Variants in PIK3C2G observed in about 807,000 individuals in gnomAD.
PIK3C2G encodes phosphatidylinositol-4-phosphate 3-kinase catalytic subunit type 2 gamma.
In PIK3C2G, 168 loss-of-function variants were observed where a neutral mutation model predicts 181.1. That is an observed-to-expected ratio of 0.93 (90% confidence interval 0.82 to 1.05). PIK3C2G has a LOEUF of 1.05. Among genes scored for constraint, PIK3C2G ranks in the 50% least tolerant of loss-of-function variants. PIK3C2G has a pLI of 0.00. For missense variants in PIK3C2G, 1,869 were observed against 1,732.8 expected (o/e 1.08, Z -1.40); for synonymous variants, 573 against 592.2 (o/e 0.97, Z 0.47).
chr12:18,303,772 T>C (rs931955069), intron 5 of PIK3C2G, among the ~76,000 whole-genome samples: 1 of 152,228 alleles, frequency 6.6e-6, no homozygotes, highest in African/African-American at 2.4e-5. Context: ...TTGTCAGTAG[T>C]AAACCATAAA....
At chr12:18,699,828 C>A in the PIK3C2G span, 1 of 1,613,322 alleles carries the variant, frequency 6.2e-7, no homozygotes, top group Non-Finnish European at 8.5e-7. Flanking sequence ...CTTGTGTCTC[C>A]CCAATAGAAT....
chr12:18,465,070 T>C (rs1006791354), intron 18 of PIK3C2G, among the ~76,000 whole-genome samples: 2 of 151,976 alleles, frequency 1.3e-5, no homozygotes, highest in African/African-American at 4.8e-5. Context: ...ACTTAATTTA[T>C]CAGAATCTAA....
At chr12:18,326,673 A>C (rs1251628596) in intron 8 of PIK3C2G, among the ~76,000 whole-genome samples, 1 of 152,156 alleles carries the variant, frequency 6.6e-6, no homozygotes, top group Non-Finnish European at 1.5e-5. Context: ...AGAATCCACA[A>C]TTAGCTTGTT....
At chr12:18,509,808 CTAGA>C (rs1430952893) in intron 24 of PIK3C2G, among the ~76,000 whole-genome samples, 3 of 152,134 alleles carry the variant, frequency 2.0e-5, no homozygotes, top group Non-Finnish European at 2.9e-5. Flanking sequence ...AGCTGTGAGA[CTAGA>C]TAAAGAGAAT....
chr12:18,335,004 G>C (rs1184302802), intron 8 of PIK3C2G, among the ~76,000 whole-genome samples: 1 of 152,072 alleles, frequency 6.6e-6, no homozygotes, highest in Non-Finnish European at 1.5e-5. Flanking sequence ...TTCCTACTAT[G>C]AGTAGTATAA....
rs751731010 is a variant in PIK3C2G, at chr12:18,497,657, G to T, written c.2925G>T (p.Gln975His). ...DDLRQDMLVLQLIQVMDNIWL... is the reference protein window; with the variant it reads ...DDLRQDMLVLHLIQVMDNIWL... ...TTCGTCAGGATATGCTTGTTCTGCA[G>T]CTTATTCAAGTGATGGACAATATTT... The change falls in exon 22 of 33, where the codon CAG becomes CAT. Residue 975 changes from glutamine to histidine, a missense_variant. Physicochemically the swap from Gln to His is conservative, Grantham distance 24. Coordinates refer to ENST00000538779, the MANE Select transcript of PIK3C2G (RefSeq NM_001288772.2). 1.2e-6 allele frequency: 2 copies of T among 1,612,864 alleles called. No homozygotes were observed. Among genetic ancestry groups the T allele is most frequent in the South Asian group, 2.2e-5 (2 of 91,042 alleles).
chr12:18,391,263 T>C lies in PIK3C2G; in HGVS notation c.2126+11T>C, dbSNP rs1473059637. ...ACAGACTCCCCTACTGTAAGTGACCTAGGTCTTGTGAATGAATTTTTGCCT... is the reference window on the plus strand; with the variant it reads ...ACAGACTCCCCTACTGTAAGTGACCCAGGTCTTGTGAATGAATTTTTGCCT... On this transcript the variant is annotated intron_variant, in intron 15 of 32. Transcript: ENST00000538779. 7 of 1,550,060 alleles carry C rather than the reference T, an allele frequency of 4.5e-6. No homozygotes were observed. Among genetic ancestry groups the C allele is most frequent in the Non-Finnish European group, 6.1e-6 (7 of 1,151,094 alleles).
intron 5 of PIK3C2G, among the ~76,000 whole-genome samples, chr12:18,305,330 GC>G (rs1022862652): frequency 7.5e-5 from 10 of 132,690 alleles, no homozygotes; most frequent in African/African-American, 2.6e-4. Context: ...GCATATTTCA[GC>G]CCCAAGTTTT....
At chr12:18,687,991 G>C in the PIK3C2G span, 3 of 1,499,240 alleles carry the variant, frequency 2.0e-6, no homozygotes, top group Non-Finnish European at 2.7e-6. Context: ...CTTGTCTTAT[G>C]AATAATAAAT....
intron 9 of PIK3C2G, among the ~76,000 whole-genome samples, chr12:18,342,404 C>G (rs11044034): frequency 6.6e-6 from 1 of 151,704 alleles, no homozygotes; most frequent in Non-Finnish European, 1.5e-5. Flanking sequence ...TTTTTTGTTA[C>G]GGAAAAACAA....
At chr12:18,590,573 A>C (rs780322315) in intron 29 of PIK3C2G, among the ~76,000 whole-genome samples, 1 of 151,852 alleles carries the variant, frequency 6.6e-6, no homozygotes, top group African/African-American at 2.4e-5. Flanking sequence ...CCAGTGGAGA[A>C]CACCGGCATA....
intron 30 of PIK3C2G, among the ~76,000 whole-genome samples, chr12:18,602,459 T>C (rs12823518): frequency 0.22 from 28,565 of 131,376 alleles, 2,695 homozygotes; most frequent in African/African-American, 0.24. Context: ...TGGTAGTGGG[T>C]GACAAAGGAC....
At chr12:18,563,275 AG>A (rs1224223001) in intron 27 of PIK3C2G, 101 bp from the exon 28 acceptor site, 6 of 1,034,820 alleles carry the variant, frequency 5.8e-6, no homozygotes, top group Non-Finnish European at 8.3e-6. Context: ...AATGTTTTGC[AG>A]AAAGGTACTT....
chr12:18,393,974 C>T (rs150660331), intron 15 of PIK3C2G, among the ~76,000 whole-genome samples: 2 of 152,206 alleles, frequency 1.3e-5, no homozygotes, highest in East Asian at 3.9e-4. Context: ...TTGGAGTCTT[C>T]TTAAATATTT....
At chr12:18,628,096 A>G (rs950016583) in intron 31 of PIK3C2G, among the ~76,000 whole-genome samples, 1 of 152,144 alleles carries the variant, frequency 6.6e-6, no homozygotes, top group African/African-American at 2.4e-5. Context: ...TAGTGAATCA[A>G]TATAGGATCG....
At chr12:18,405,242 T>G (rs11044082) in intron 16 of PIK3C2G, among the ~76,000 whole-genome samples, 35,487 of 152,036 alleles carry the variant, frequency 0.23, 4,366 homozygotes, top group Admixed American at 0.35. Context: ...TTTTAGCAGA[T>G]AAATCAAAAC....
intron 31 of PIK3C2G, among the ~76,000 whole-genome samples, chr12:18,635,116 C>A (rs751222123): frequency 1.3e-4 from 20 of 152,176 alleles, no homozygotes; most frequent in Admixed American, 2.6e-4. Flanking sequence ...TTAGGGATAT[C>A]CCAGAAAGGA....
chr12:18,499,709 A>G (rs1941272069), intron 22 of PIK3C2G, among the ~76,000 whole-genome samples: 2 of 152,212 alleles, frequency 1.3e-5, no homozygotes, highest in African/African-American at 4.8e-5. Flanking sequence ...TCAAAGGTTG[A>G]TTGCAAAACG....
chr12:18,597,216 G>T (rs1235716796), intron 30 of PIK3C2G, among the ~76,000 whole-genome samples: 1 of 150,716 alleles, frequency 6.6e-6, no homozygotes, highest in Non-Finnish European at 1.5e-5. Context: ...AATATAATTG[G>T]GTGGTAGATG....
Sources: gnomAD v4.1 joint callset for allele counts (sites outside exome capture counted in the v4.1 genomes callset) on GRCh38, gnomAD v4.1.1 for gene constraint, MANE v1.5 for transcripts, NCBI Gene and HGNC (gene_info 2026-07-23, HGNC 2026-07-21) for gene names.